RPS27L: variants seen among roughly 807,000 people sequenced by gnomAD.
RPS27L encodes ribosomal protein S27 like.
RPS27L carries 10 observed loss-of-function variants against 12.8 expected under a neutral mutation model. That is an observed-to-expected ratio of 0.78 (90% CI 0.48 to 1.33). The LOEUF (loss-of-function observed/expected upper bound fraction) is 1.33, where lower values mean the gene tolerates loss of function less well. Ranked by LOEUF, RPS27L falls within the 40% of genes most tolerant of loss-of-function variation. The probability of loss-of-function intolerance (pLI) is 0.00; values close to 1 mark genes in which losing one functional copy is unlikely to be tolerated. For synonymous variants in RPS27L, 26 were observed against 32.3 expected, an observed-to-expected ratio of 0.81 and a Z score of 0.66; for missense variants, 81 against 97.4, an observed-to-expected ratio of 0.83 and a Z score of 0.71.
At chr15:63,155,588 C>T (rs2037326740) in intron 3 of RPS27L, 33 bp downstream of exon 3, 1 of 1,329,150 alleles carries the variant, frequency 7.5e-7, no homozygotes. Flanking sequence ...TCATCAATCT[C>T]ATCACTGGGT....
In RPS27L at chr15:63,153,747, A is replaced by C; in HGVS notation, c.*285T>G. Reference sequence around the variant, plus strand: ...CTCTCAAAAAAAAAAAAAAAGACACAAACTAATCAGAATAAATTTTAAAAT... The same window carrying C: ...CTCTCAAAAAAAAAAAAAAAGACACCAACTAATCAGAATAAATTTTAAAAT... On this transcript the variant is annotated 3_prime_UTR_variant, in exon 4 of 4. Coordinates refer to ENST00000330964, the MANE Select transcript of RPS27L (RefSeq NM_015920.4). 1 of 328,014 alleles carries C rather than the reference A, an allele frequency of 3.0e-6. No homozygotes were observed. Among genetic ancestry groups the C allele is most frequent in the Non-Finnish European group, 5.4e-6 (1 of 185,968 alleles). 20.3% of individuals were successfully genotyped at this position (328,014 alleles called of 1,614,324 possible). A position where few individuals can be genotyped will look rare whatever the true frequency, so the allele number is the denominator to read the frequency against.
Position 63,153,173 on chromosome 15 carries a change from A to C in RPS27L, c.*859T>G, listed in dbSNP as rs567045289. On this transcript the variant is annotated 3_prime_UTR_variant, in exon 4 of 4. Transcript: ENST00000330964. The stretch of plus-strand genomic sequence containing the variant: ...TCAACACCATCTACTATCCCCAACC[A>C]GGACTTCTGCGGGTAAATCATGCCA... 1 of 152,306 alleles carries C rather than the reference A, an allele frequency of 6.6e-6. No individual in the cohort carries two copies. Among genetic ancestry groups the C allele is most frequent in the African/African-American group, 2.4e-5 (1 of 41,578 alleles). 9.4% of individuals were successfully genotyped at this position (152,306 alleles called of 1,614,324 possible).
rs918464884 is a variant in RPS27L at position 63,153,174 on chromosome 15, G to C, written c.*858C>G. The stretch of plus-strand genomic sequence containing the variant: ...CAACACCATCTACTATCCCCAACCA[G>C]GACTTCTGCGGGTAAATCATGCCAC... On this transcript the variant is annotated 3_prime_UTR_variant, in exon 4 of 4. Transcript: ENST00000330964. 1.3e-5 allele frequency: 2 copies of C among 152,064 alleles called. No homozygotes were observed. The highest frequency in any genetic ancestry group is 4.8e-5 in the African/African-American group (2 of 41,402). The allele number at this position is 152,064 out of a possible 1,614,324, so 9.4% of individuals were successfully genotyped here.
rs201553626 is a variant in RPS27L at position 63,156,473 on chromosome 15, G to A, written c.55C>T (p.His19Tyr). Residue 19 changes from histidine (H) to tyrosine (Y), a missense_variant, in exon 2 of 4, where the codon CAT becomes TAT. Transcript: ENST00000330964. ...HPSLEEEKKK[H>Y]KKKRLVQSPN... ...CTTTGTACTAGGCGTTTCTTTTTAT[G>A]TTTTTTCTTTTCCTCTTCCAAGGAC... is the stretch of plus-strand genomic sequence containing the variant. 33 of 1,606,812 alleles carry A rather than the reference G, an allele frequency of 2.1e-5. No homozygotes were observed. The highest frequency in any genetic ancestry group is 2.7e-5 in the Non-Finnish European group (32 of 1,176,318).
chr15:63,156,689 A>G (rs1482385477), intron 1 of RPS27L, 168 bp from the exon 2 acceptor site: 2 of 655,598 alleles, frequency 3.1e-6, no homozygotes, highest in East Asian at 5.5e-5. Flanking sequence ...TTTCATCAGT[A>G]CTTTTCATAA....
intron 2 of RPS27L, among the ~76,000 whole-genome samples, chr15:63,156,157 A>G (rs1415399747): frequency 6.6e-6 from 1 of 152,214 alleles, no homozygotes; most frequent in African/African-American, 2.4e-5. Context: ...CATGAAACAG[A>G]AAACTCATCG....
Position 63,157,473 on chromosome 15 carries a change from T to G in RPS27L, c.-68A>C. The G allele has an allele frequency of 1.9e-6, 3 of 1,590,864 alleles. No homozygotes were observed. The highest frequency in any genetic ancestry group is 2.6e-6 in the Non-Finnish European group (3 of 1,159,152). On this transcript the variant is annotated 5_prime_UTR_variant, in exon 1 of 4. Coordinates refer to ENST00000330964, the MANE Select transcript of RPS27L (RefSeq NM_015920.4). ...CACACAGCTAGCAAGCTGCAAGCGA[T>G]CTGCGCTCGGCATCAACTTCCGGGA...
rs2037312960 is a variant in RPS27L at position 63,153,429 on chromosome 15, T to C, written c.*603A>G. On this transcript the variant is annotated 3_prime_UTR_variant, in exon 4 of 4. Coordinates refer to ENST00000330964, the MANE Select transcript of RPS27L (RefSeq NM_015920.4). ...GCAAAATATGTACTTCTTTAAGATG[T>C]TTCCACAGGTACAACAGCAGAACTA... 6.6e-6 allele frequency: 1 copy of C among 152,210 alleles called. No homozygotes were observed. Among genetic ancestry groups the C allele is most frequent in the African/African-American group, 2.4e-5 (1 of 41,456 alleles). 9.4% of individuals were successfully genotyped at this position (152,210 alleles called of 1,614,324 possible).
Position 63,153,932 on chromosome 15 carries a change from T to C in RPS27L, c.*100A>G, listed in dbSNP as rs2037316218. 2 of 1,052,532 alleles carry C rather than the reference T, an allele frequency of 1.9e-6. No individual in the cohort carries two copies. Among genetic ancestry groups the C allele is most frequent in the African/African-American group, 3.2e-5 (2 of 62,880 alleles). The allele number at this position is 1,052,532 out of a possible 1,614,324, so 65.2% of individuals were successfully genotyped here. On this transcript the variant is annotated 3_prime_UTR_variant, in exon 4 of 4. Coordinates refer to ENST00000330964, the MANE Select transcript of RPS27L (RefSeq NM_015920.4). Reference sequence around the variant, plus strand: ...GCTGTATACCTTACAAAACCAAATGTAATTACATTATCTTGGTAAATTAAT... The same window carrying C: ...GCTGTATACCTTACAAAACCAAATGCAATTACATTATCTTGGTAAATTAAT...
In RPS27L at chr15:63,151,056, G is replaced by A. The variant is rs1043805860; in HGVS notation, c.*2976C>T. The stretch of plus-strand genomic sequence containing the variant: ...TACAAATATATTTACATTAAAATAT[G>A]AAGTCAATATAAATAATATTTAAAA... On this transcript the variant is annotated 3_prime_UTR_variant, in exon 4 of 4. Transcript: ENST00000330964. 2 of 152,134 alleles carry A rather than the reference G, an allele frequency of 1.3e-5. No individual in the cohort carries two copies. The highest frequency in any genetic ancestry group is 4.8e-5 in the African/African-American group (2 of 41,416). The allele number at this position is 152,134 out of a possible 1,614,324, so 9.4% of individuals were successfully genotyped here. A position where few individuals can be genotyped will look rare whatever the true frequency, so the allele number is the denominator to read the frequency against.
intron 1 of RPS27L, chr15:63,157,164 T>A: frequency 3.4e-6 from 2 of 590,154 alleles, no homozygotes; most frequent in Admixed American, 6.0e-5. Context: ...CACAGAGAAC[T>A]GTTCCCCTCC....
Position 63,152,720 on chromosome 15 carries a change from C to G in RPS27L, c.*1312G>C. 1 of 152,138 alleles carries G rather than the reference C, an allele frequency of 6.6e-6. No homozygotes were observed. Among genetic ancestry groups the G allele is most frequent in the African/African-American group, 2.4e-5 (1 of 41,396 alleles). The allele number at this position is 152,138 out of a possible 1,614,324, so 9.4% of individuals were successfully genotyped here. ...ATGTTGGTCAGGCTGGTCTTGAACT[C>G]CCGACCTCAGGTGATCCACCTGCCT... On this transcript the variant is annotated 3_prime_UTR_variant, in exon 4 of 4. Coordinates refer to ENST00000330964, the MANE Select transcript of RPS27L (RefSeq NM_015920.4).
chr15:63,156,881 G>C, intron 1 of RPS27L: 1 of 452,138 alleles, frequency 2.2e-6, no homozygotes, highest in East Asian at 4.5e-5. Flanking sequence ...AGTAGAAACT[G>C]CTGAAGTAGA....
Position 63,151,493 on chromosome 15 carries a change from C to G in RPS27L, c.*2539G>C, listed in dbSNP as rs1430213607. 6.6e-6 allele frequency: 1 copy of G among 152,264 alleles called. No individual in the cohort carries two copies. Among genetic ancestry groups the G allele is most frequent in the African/African-American group, 2.4e-5 (1 of 41,448 alleles). The allele number at this position is 152,264 out of a possible 1,614,324, so 9.4% of individuals were successfully genotyped here. On this transcript the variant is annotated 3_prime_UTR_variant, in exon 4 of 4. Transcript: ENST00000330964. ...AAGTGATCTGCCTGCCTCAGCCTCCCAAACTGCTGGGATTATAGGTGTGAG... is the reference window on the plus strand; with the variant it reads ...AAGTGATCTGCCTGCCTCAGCCTCCGAAACTGCTGGGATTATAGGTGTGAG...
At position 63,154,026 on chromosome 15, in the gene RPS27L, G is replaced by A; in HGVS notation, c.*6C>T. On this transcript the variant is annotated 3_prime_UTR_variant, in exon 4 of 4. Coordinates refer to ENST00000330964, the MANE Select transcript of RPS27L (RefSeq NM_015920.4). ...AAAATTAAAATTCAGGAAGCTGTTT[G>A]AATCATTAGTGTTGCTTTCTTCTAA... The A allele has an allele frequency of 6.2e-7, 1 of 1,603,390 alleles. No homozygotes were observed.
chr15:63,157,251 G>A (rs1595722842), intron 1 of RPS27L, 149 bp downstream of exon 1: 4 of 882,304 alleles, frequency 4.5e-6, no homozygotes, highest in East Asian at 4.9e-5. Context: ...GTCACTACAT[G>A]CCCGCCACGC....
At chr15:63,156,355 C>T in intron 2 of RPS27L, 58 bp downstream of exon 2, 2 of 870,128 alleles carry the variant, frequency 2.3e-6, no homozygotes, top group Non-Finnish European at 3.7e-6. Context: ...ATACACACCA[C>T]ACTAGCAATC....
At position 63,155,714 on chromosome 15, in the gene RPS27L, T is replaced by C; in HGVS notation, c.133A>G (p.Thr45Ala). 6.6e-7 allele frequency: 1 copy of C among 1,503,996 alleles called. No homozygotes were observed. Among genetic ancestry groups the C allele is most frequent in the Non-Finnish European group, 8.9e-7 (1 of 1,126,144 alleles). 93.2% of individuals were successfully genotyped at this position (1,503,996 alleles called of 1,614,324 possible). Reference protein sequence around the residue: ...VKCPGCYKITTVFSHAQTVVL... With the variant: ...VKCPGCYKITAVFSHAQTVVL... ...ACTGTCTGAGCATGGCTGAAAACCG[T>C]GGTGATCTTGTAGCAACCTAAAAAA... The change falls in exon 3 of 4, where the codon ACG (threonine) becomes GCG (alanine). Residue 45 changes from threonine (T) to alanine (A), a missense_variant. By Grantham distance (58) the Thr-to-Ala change is moderately conservative. Coordinates refer to ENST00000330964, the MANE Select transcript of RPS27L (RefSeq NM_015920.4).
chr15:63,149,410 T>A lies in RPS27L; in HGVS notation c.*4622A>T, dbSNP rs531640553. ...AACCCCATCTCTACTAAAAATACTT[T>A]AAAAAAATTAGCCCGGCGTGGTGGC... On this transcript the variant is annotated 3_prime_UTR_variant, in exon 4 of 4. Transcript: ENST00000330964. The A allele has an allele frequency of 3.8e-4, 58 of 150,936 alleles. No individual in the cohort carries two copies. The highest frequency in any genetic ancestry group is 1.4e-3 in the African/African-American group (56 of 41,088). The allele number at this position is 150,936 out of a possible 1,614,324, so 9.3% of individuals were successfully genotyped here.
Sources: gnomAD v4.1 joint callset for allele counts (sites outside exome capture counted in the v4.1 genomes callset) on GRCh38, gnomAD v4.1.1 for gene constraint, MANE v1.5 for transcripts, NCBI Gene and HGNC (gene_info 2026-07-23, HGNC 2026-07-21) for gene names.